The following RUFY1 variants were observed in gnomAD, a reference collection of about 807,000 sequenced individuals.
The protein encoded by RUFY1 is RUN and FYVE domain-containing protein 1.
In RUFY1, 54 loss-of-function variants were observed where a neutral mutation model predicts 94.6. That is an observed-to-expected ratio of 0.57 (90% CI 0.46 to 0.72). The LOEUF is 0.72. Ranked by LOEUF, RUFY1 falls within the 30% of genes least tolerant of loss-of-function variation. RUFY1 has a pLI of 0.00. For missense variants in RUFY1, 883 were observed against 883.9 expected (o/e 1.00, Z 0.01); for synonymous variants, 396 against 347.3 (o/e 1.14, Z -1.56).
chr5:179,595,380 AG>A (rs986420464), intron 12 of RUFY1, among the ~76,000 whole-genome samples: 3 of 152,132 alleles, frequency 2.0e-5, no homozygotes, highest in African/African-American at 7.2e-5. Flanking sequence ...CAAAAAAAGG[AG>A]GGGGCAAAAG....
At chr5:179,582,138 C>G (rs565403611) in intron 7 of RUFY1, among the ~76,000 whole-genome samples, 9 of 151,902 alleles carry the variant, frequency 5.9e-5, no homozygotes, top group East Asian at 3.9e-4. Context: ...ATCCCATAAT[C>G]TACTGATGTG....
At chr5:179,601,413 C>T (rs1239766400) in intron 14 of RUFY1, among the ~76,000 whole-genome samples, 1 of 152,112 alleles carries the variant, frequency 6.6e-6, no homozygotes, top group African/African-American at 2.4e-5. Flanking sequence ...AGGTGATCCA[C>T]CTGTCTTGGC....
intron 1 of RUFY1, among the ~76,000 whole-genome samples, chr5:179,557,634 A>T (rs547901393): frequency 6.6e-6 from 1 of 152,304 alleles, no homozygotes; most frequent in South Asian, 2.1e-4. Flanking sequence ...ACTTAGCTGC[A>T]GTTTGGGCTC....
rs558900377 is a variant in RUFY1, at chr5:179,601,849, G to A, written c.1762-43G>A. The A allele has an allele frequency of 1.4e-4, 137 of 1,006,724 alleles. 1 individual carries two copies. In the South Asian group the frequency reaches 1.6e-3, roughly 11 times the overall value. 62.4% of individuals were successfully genotyped at this position (1,006,724 alleles called of 1,614,324 possible). ...AAAAAAAAAAAAAAAAAAAAGGACC[G>A]TGTAATCCTCTGTCCAGCATCTGGT... On this transcript the variant is annotated intron_variant, in intron 14 of 17. Coordinates refer to ENST00000319449, the MANE Select transcript of RUFY1 (RefSeq NM_025158.5).
At chr5:179,553,839 A>G (rs934296292) in intron 1 of RUFY1, among the ~76,000 whole-genome samples, 6 of 152,172 alleles carry the variant, frequency 3.9e-5, no homozygotes, top group African/African-American at 9.7e-5. Context: ...CTACCACTCA[A>G]TCTAGCAAAA....
intron 16 of RUFY1, 200 bp downstream of exon 16, chr5:179,606,124 C>T: frequency 6.8e-6 from 4 of 592,152 alleles, no homozygotes; most frequent in Non-Finnish European, 1.2e-5. Context: ...GAAGCTGAGC[C>T]TAGGTCTTCC....
At chr5:179,571,314 A>G (rs1397181880) in intron 5 of RUFY1, among the ~76,000 whole-genome samples, 1 of 152,122 alleles carries the variant, frequency 6.6e-6, no homozygotes, top group Non-Finnish European at 1.5e-5. Flanking sequence ...CGGGCAAAAT[A>G]GTGAGACCTT....
At chr5:179,560,547 G>A (rs1281786737) in intron 2 of RUFY1, among the ~76,000 whole-genome samples, 1 of 144,182 alleles carries the variant, frequency 6.9e-6, no homozygotes, top group South Asian at 2.2e-4. Context: ...GTGAAACCCG[G>A]TCTCTACTAA....
At chr5:179,568,525 C>T (rs1334535517) in intron 4 of RUFY1, among the ~76,000 whole-genome samples, 2 of 152,188 alleles carry the variant, frequency 1.3e-5, no homozygotes, top group Non-Finnish European at 2.9e-5. Context: ...CAATATTTCA[C>T]ATACTCTGAG....
intron 6 of RUFY1, among the ~76,000 whole-genome samples, chr5:179,579,657 C>CTTTTTTTTTTTTTTTTTTGTTTTT (rs1763948757): frequency 2.0e-5 from 1 of 50,548 alleles, no homozygotes; most frequent in Admixed American, 3.8e-4. Context: ...TTTTCTTCTT[C>CTTTTTTTTTTTTTTTTTTGTTTTT]TTTTTTTTTT....
intron 1 of RUFY1, 192 bp from the exon 2 acceptor site, chr5:179,559,833 C>G (rs1048728858): frequency 6.2e-5 from 83 of 1,345,216 alleles, no homozygotes; most frequent in Admixed American, 1.4e-4. Flanking sequence ...CCCCGCCGTC[C>G]AGGTAGGGGG....
In RUFY1 at chr5:179,589,578, T is replaced by G. The variant is rs753567786; in HGVS notation, c.1059T>G (p.Leu353=). Residue 353 remains leucine, a synonymous_variant, in exon 9 of 18, where the codon CTT becomes CTG. Coordinates refer to ENST00000319449, the MANE Select transcript of RUFY1 (RefSeq NM_025158.5). ...CTGCAACAGACCGAATTTGCTCACT[T>G]CAAGAAGAACAGCAGCAGTTAAGAG... ...LSAATDRICS[L]QEEQQQLREQ... 6.2e-7 allele frequency: 1 copy of G among 1,614,170 alleles called. No individual in the cohort carries two copies. Among genetic ancestry groups the G allele is most frequent in the East Asian group, 2.2e-5 (1 of 44,890 alleles).
chr5:179,556,396 A>G (rs1051425942), intron 1 of RUFY1, among the ~76,000 whole-genome samples: 2 of 151,982 alleles, frequency 1.3e-5, no homozygotes, highest in African/African-American at 2.4e-5. Context: ...GTGTATAAAA[A>G]TTTTTCTTCT....
rs541469192 is a variant in RUFY1 at position 179,591,228 on chromosome 5, AG to A, written c.1129-395del. On this transcript the variant is annotated intron_variant, in intron 9 of 17. Transcript: ENST00000319449. ...GGGATGGAGTCTTGCCCTGTCGCCC[AG>A]GCTGGAGTGCAATGGCACGATCTTG... Among the ~76,000 whole-genome samples the A allele has an allele frequency of 7.9e-5, 12 of 151,568 alleles. No homozygotes were observed. In the East Asian group the frequency reaches 2.3e-3, roughly 30 times the overall value.
At chr5:179,561,219 A>AT (rs1193416631) in intron 2 of RUFY1, among the ~76,000 whole-genome samples, 14 of 133,530 alleles carry the variant, frequency 1.0e-4, no homozygotes, top group Non-Finnish European at 1.9e-4. Context: ...TCAAAAATAA[A>AT]TAAATAAATA....
At position 179,596,554 on chromosome 5, in the gene RUFY1, G is replaced by A. The variant is rs765882557; in HGVS notation, c.1512-8G>A. 2.3e-5 allele frequency: 37 copies of A among 1,613,546 alleles called. No homozygotes were observed. Among genetic ancestry groups the A allele is most frequent in the African/African-American group, 1.9e-4 (14 of 74,890 alleles). On this transcript the variant is annotated splice_region_variant and splice_polypyrimidine_tract_variant and intron_variant, in intron 12 of 17. Transcript: ENST00000319449. ...CTTCATTTGCACTCTTGCTGGTGTC[G>A]CATCCAGGTTGCAGCACTCGGAGCG...
chr5:179,593,425 TAC>T, intron 10 of RUFY1, 51 bp from the exon 11 acceptor site: 1 of 1,562,666 alleles, frequency 6.4e-7, no homozygotes, highest in South Asian at 1.1e-5. Context: ...CCCAGTTAAA[TAC>T]ATTTCTGTGA....
chr5:179,572,110 G>A (rs1282445541), intron 5 of RUFY1: 8 of 183,568 alleles, frequency 4.4e-5, no homozygotes, highest in South Asian at 8.7e-5. Flanking sequence ...GAGTCCACGC[G>A]TCTGGTTGTC....
intron 7 of RUFY1, among the ~76,000 whole-genome samples, chr5:179,581,765 C>T (rs1361533152): frequency 3.3e-5 from 5 of 151,536 alleles, no homozygotes; most frequent in Non-Finnish European, 5.9e-5. Flanking sequence ...ACTGTAGCCT[C>T]GAATTCCCAG....
Sources: allele counts gnomAD v4.1 joint callset (sites outside exome capture counted in the v4.1 genomes callset), GRCh38; gene constraint gnomAD v4.1.1; transcripts MANE v1.5; gene names NCBI Gene and HGNC (gene_info 2026-07-23, HGNC 2026-07-21).